DAD1: variants seen among roughly 807,000 people sequenced by gnomAD.
The protein encoded by DAD1 is dolichyl-diphosphooligosaccharide--protein glycosyltransferase subunit DAD1.
DAD1 carries 4 observed loss-of-function variants against 9.0 expected under a neutral mutation model. That is an observed-to-expected ratio of 0.44 (90% CI 0.22 to 1.01). DAD1 has a LOEUF of 1.01. Among genes scored for constraint, DAD1 ranks in the 50% least tolerant of loss-of-function variants. The pLI, the probability that DAD1 is intolerant of heterozygous loss-of-function variation, is 0.24. For synonymous variants in DAD1, 60 were observed against 62.5 expected, an observed-to-expected ratio of 0.96 and a Z score of 0.19; for missense variants, 119 against 137.3, an observed-to-expected ratio of 0.87 and a Z score of 0.67.
chr14:22,582,285 C>T (rs1023559357), intron 1 of DAD1, among the ~76,000 whole-genome samples: 15 of 149,800 alleles, frequency 1.0e-4, no homozygotes, highest in South Asian at 2.1e-4. Flanking sequence ...GAAGCCAAGG[C>T]GGGCGGATCA....
In DAD1 at chr14:22,565,014, G is replaced by T; in HGVS notation, c.*168C>A. 3 of 666,878 alleles carry T rather than the reference G, an allele frequency of 4.5e-6. No individual in the cohort carries two copies. The South Asian group carries it at 4.8e-5, about 11-fold the overall frequency. 41.3% of individuals were successfully genotyped at this position (666,878 alleles called of 1,614,324 possible). On this transcript the variant is annotated 3_prime_UTR_variant, in exon 3 of 3. Coordinates refer to ENST00000250498, the MANE Select transcript of DAD1 (RefSeq NM_001344.4). ...TTAGAAAGTTGTTCTGACACACAGT[G>T]AACTCTGGGCTTTTCTCCTGCATAA...
chr14:22,586,284 A>G (rs1160412774), intron 1 of DAD1, among the ~76,000 whole-genome samples: 2 of 151,660 alleles, frequency 1.3e-5, no homozygotes, highest in Non-Finnish European at 2.9e-5. Context: ...AGTGACTCAC[A>G]CCTGTAATCC....
intron 1 of DAD1, among the ~76,000 whole-genome samples, chr14:22,582,238 G>A (rs1252430297): frequency 6.6e-6 from 1 of 150,604 alleles, no homozygotes; most frequent in Admixed American, 6.6e-5. Flanking sequence ...AAATAGGCCA[G>A]GCGCAGTGGC....
intron 2 of DAD1, among the ~76,000 whole-genome samples, chr14:22,571,593 T>C (rs1391925648): frequency 6.7e-6 from 1 of 150,292 alleles, no homozygotes; most frequent in African/African-American, 2.4e-5. Flanking sequence ...CCTGGATAGA[T>C]ACATTAGTTG....
chr14:22,566,529 T>C (rs5742863), intron 2 of DAD1, among the ~76,000 whole-genome samples: 6,088 of 152,200 alleles, frequency 0.04, 385 homozygotes, highest in African/African-American at 0.13. Context: ...AGATGGGGTT[T>C]CACCATGTTG....
At chr14:22,572,658 A>T (rs2139238442) in intron 2 of DAD1, among the ~76,000 whole-genome samples, 1 of 152,270 alleles carries the variant, frequency 6.6e-6, no homozygotes, top group South Asian at 2.1e-4. Flanking sequence ...ATTTTGAAAT[A>T]CTAAGCTCTC....
Position 22,575,130 on chromosome 14 carries a change from G to C in DAD1, c.315C>G (p.His105Gln). 6.2e-7 allele frequency: 1 copy of C among 1,614,112 alleles called. No homozygotes were observed. Among genetic ancestry groups the C allele is most frequent in the Non-Finnish European group, 8.5e-7 (1 of 1,179,982 alleles). ...ADFLFASTIL[H>Q]LVVMNFVG Reference sequence around the variant, plus strand: ...AGCCAACAAAGTTCATGACAACAAGGTGCAGGATGGTGCTGGCAAAGAGAA... The same window carrying C: ...AGCCAACAAAGTTCATGACAACAAGCTGCAGGATGGTGCTGGCAAAGAGAA... Residue 105 changes from histidine (H) to glutamine (Q), a missense_variant, in exon 2 of 3, where the codon CAC becomes CAG. Coordinates refer to ENST00000250498, the MANE Select transcript of DAD1 (RefSeq NM_001344.4).
chr14:22,584,693 G>C (rs531538381), intron 1 of DAD1, among the ~76,000 whole-genome samples: 16 of 152,326 alleles, frequency 1.1e-4, no homozygotes, highest in Admixed American at 1.0e-3. Context: ...AATACTGTTG[G>C]AGCAGAGTAT....
At chr14:22,581,574 T>A (rs1428748890) in intron 1 of DAD1, among the ~76,000 whole-genome samples, 1 of 142,954 alleles carries the variant, frequency 7.0e-6, no homozygotes, top group East Asian at 2.0e-4. Context: ...AAACCCCGTC[T>A]CTACTAAAAA....
At position 22,566,420 on chromosome 14, in the gene DAD1, C is replaced by T. The variant is rs528015953; in HGVS notation, c.*45-1283G>A. Among the ~76,000 whole-genome samples, 245 of 152,194 alleles carry T rather than the reference C, an allele frequency of 1.6e-3. 1 individual carries two copies. Among genetic ancestry groups the T allele is most frequent in the African/African-American group, 5.6e-3 (231 of 41,524 alleles). On this transcript the variant is annotated intron_variant, in intron 2 of 2. Coordinates refer to ENST00000250498, the MANE Select transcript of DAD1 (RefSeq NM_001344.4). ...CGTGATCTCGGGTCACCGCAACCTC[C>T]GCCTCCCGGGTTCAGGCGATTCTCT...
At chr14:22,566,899 G>A (rs2037005350) in intron 2 of DAD1, among the ~76,000 whole-genome samples, 1 of 152,162 alleles carries the variant, frequency 6.6e-6, no homozygotes, top group Admixed American at 6.5e-5. Context: ...TTTTAAAGCA[G>A]ATCTATTTAC....
intron 1 of DAD1, among the ~76,000 whole-genome samples, chr14:22,577,974 C>G (rs975336765): frequency 2.0e-5 from 3 of 152,216 alleles, no homozygotes; most frequent in Non-Finnish European, 4.4e-5. Flanking sequence ...AAAAAAAAGG[C>G]CGGGCACGGT....
Position 22,575,181 on chromosome 14 carries a change from G to C in DAD1, c.264C>G (p.Ile88Met). 1 of 1,614,214 alleles carries C rather than the reference G, an allele frequency of 6.2e-7. No homozygotes were observed. ...NPQNKADFQG[I>M]SPERAFADFL... ...AATCAGCAAAGGCTCGCTCTGGGGA[G>C]ATGCCTTGGAAATCCGCTTTGTTCT... Residue 88 changes from isoleucine to methionine, a missense_variant, in exon 2 of 3, where the codon ATC becomes ATG. By Grantham distance (10) the Ile-to-Met change is conservative (BLOSUM62 1). Coordinates refer to ENST00000250498, the MANE Select transcript of DAD1 (RefSeq NM_001344.4).
At chr14:22,577,206 G>C (rs1039776628) in intron 1 of DAD1, among the ~76,000 whole-genome samples, 4 of 152,206 alleles carry the variant, frequency 2.6e-5, no homozygotes, top group African/African-American at 9.7e-5. Flanking sequence ...GGCTGAACCA[G>C]GCGGATCACC....
intron 1 of DAD1, among the ~76,000 whole-genome samples, chr14:22,586,122 C>T (rs563891296): frequency 6.6e-6 from 1 of 150,784 alleles, no homozygotes; most frequent in East Asian, 1.9e-4. Context: ...AGGAGAATGG[C>T]GTGAACGCAG....
intron 1 of DAD1, among the ~76,000 whole-genome samples, chr14:22,586,174 T>A (rs2139248687): frequency 7.4e-6 from 1 of 135,366 alleles, no homozygotes; most frequent in East Asian, 2.1e-4. Flanking sequence ...CACTCCAGCC[T>A]GGGGGACAGA....
At chr14:22,587,984 C>T (rs2037165844) in intron 1 of DAD1, among the ~76,000 whole-genome samples, 1 of 152,202 alleles carries the variant, frequency 6.6e-6, no homozygotes, top group African/African-American at 2.4e-5. Flanking sequence ...GATCTGCCTA[C>T]CTCGGCCTCC....
chr14:22,576,152 C>A (rs1290868967), intron 1 of DAD1, among the ~76,000 whole-genome samples: 2 of 152,206 alleles, frequency 1.3e-5, no homozygotes, highest in Non-Finnish European at 2.9e-5. Flanking sequence ...CGGGTGAACA[C>A]ATCTGCCTAG....
At chr14:22,572,279 C>T (rs2037046775) in intron 2 of DAD1, among the ~76,000 whole-genome samples, 1 of 151,926 alleles carries the variant, frequency 6.6e-6, no homozygotes, top group African/African-American at 2.4e-5. Context: ...ACCTTCTGAG[C>T]TGGTATAAAT....
Sources: allele counts gnomAD v4.1 joint callset (sites outside exome capture counted in the v4.1 genomes callset), GRCh38; gene constraint gnomAD v4.1.1; transcripts MANE v1.5; gene names NCBI Gene and HGNC (gene_info 2026-07-23, HGNC 2026-07-21).